Variants in RPA3 observed in about 807,000 individuals in gnomAD.
RPA3 encodes replication protein A 14 kDa subunit.
Under a neutral mutation model 13.7 loss-of-function variants are expected in RPA3, and 24 were observed. That is an observed-to-expected ratio of 1.75 (90% CI 1.27 to 2.46). The LOEUF (loss-of-function observed/expected upper bound fraction) is 2.46, where lower values mean the gene tolerates loss of function less well. RPA3 is among the 30% of genes most tolerant of loss of function. The pLI, the probability that RPA3 is intolerant of heterozygous loss-of-function variation, is 0.00. For synonymous variants in RPA3, 59 were observed against 51.2 expected (o/e 1.15, Z -0.65); for missense variants, 183 against 151.0 (o/e 1.21, Z -1.11).
At chr7:7,655,992 T>A (rs1785332276) in intron 4 of RPA3, among the ~76,000 whole-genome samples, 1 of 152,088 alleles carries the variant, frequency 6.6e-6, no homozygotes, top group South Asian at 2.1e-4. Flanking sequence ...TGCGCCATCA[T>A]GCCTGGCTAA....
At chr7:7,692,861 C>T (rs557214147) in intron 2 of RPA3, among the ~76,000 whole-genome samples, 1 of 152,336 alleles carries the variant, frequency 6.6e-6, no homozygotes, top group South Asian at 2.1e-4. Context: ...CCTGCCTCGG[C>T]TTCCCACAGG....
At chr7:7,649,768 G>A (rs1785183729) in intron 4 of RPA3, among the ~76,000 whole-genome samples, 2 of 151,948 alleles carry the variant, frequency 1.3e-5, no homozygotes, top group South Asian at 4.2e-4. Context: ...TTCATATGCT[G>A]AAATCCTAAC....
chr7:7,711,067 G>A (rs1445700497), intron 2 of RPA3, among the ~76,000 whole-genome samples: 1 of 152,144 alleles, frequency 6.6e-6, no homozygotes, highest in African/African-American at 2.4e-5. Flanking sequence ...AGTGTGTGTG[G>A]CTATAGAAGG....
intron 4 of RPA3, among the ~76,000 whole-genome samples, chr7:7,649,747 C>A (rs1785182346): frequency 6.6e-6 from 1 of 152,132 alleles, no homozygotes; most frequent in South Asian, 2.1e-4. Flanking sequence ...TGTCTCTCTC[C>A]CCCCACCCAA....
chr7:7,681,923 C>G (rs1427139642), intron 4 of RPA3, among the ~76,000 whole-genome samples: 1 of 151,888 alleles, frequency 6.6e-6, no homozygotes, highest in Non-Finnish European at 1.5e-5. Flanking sequence ...CATGAATTAG[C>G]TTATTATGTT....
intron 4 of RPA3, among the ~76,000 whole-genome samples, chr7:7,648,878 G>C (rs951004857): frequency 7.3e-5 from 11 of 151,594 alleles, no homozygotes; most frequent in Admixed American, 3.3e-4. Context: ...AAAAAAAAAG[G>C]CCGGGCGCGG....
Position 7,637,875 on chromosome 7 carries a change from C to A in RPA3, c.272G>T (p.Ser91Ile), listed in dbSNP as rs113032055. 1 of 1,611,814 alleles carries A rather than the reference C, an allele frequency of 6.2e-7. No homozygotes were observed. The highest frequency in any genetic ancestry group is 1.1e-5 in the South Asian group (1 of 90,886). The change falls in exon 7 of 8, where the codon AGC becomes ATC. Residue 91 changes from serine (S) to isoleucine (I), a missense_variant. Ser to Ile is a moderately radical substitution (Grantham distance 142). Transcript: ENST00000223129. Reference sequence around the variant, plus strand: ...AATGCTTTATTTACCAAAAGGATGGCTATCTTCTTTAAACTGGACATAAGA... The same window carrying A: ...AATGCTTTATTTACCAAAAGGATGGATATCTTCTTTAAACTGGACATAAGA... Reference protein sequence around the residue: ...CTSYVQFKEDSHPFDLGLYNE... With the variant: ...CTSYVQFKEDIHPFDLGLYNE...
chr7:7,672,884 A>G (rs1021573978), intron 4 of RPA3, among the ~76,000 whole-genome samples: 2 of 152,204 alleles, frequency 1.3e-5, no homozygotes, highest in African/African-American at 4.8e-5. Flanking sequence ...TCTTTTCTCC[A>G]GTGGCCTTAG....
At chr7:7,705,239 G>A (rs184245430) in intron 2 of RPA3, among the ~76,000 whole-genome samples, 46 of 152,270 alleles carry the variant, frequency 3.0e-4, no homozygotes, top group Admixed American at 2.6e-3. Context: ...AACGAAGTTC[G>A]TATAGTTGAT....
chr7:7,675,455 T>C (rs1779715409), intron 4 of RPA3, among the ~76,000 whole-genome samples: 2 of 152,340 alleles, frequency 1.3e-5, no homozygotes, highest in South Asian at 4.1e-4. Context: ...GTCTTGTAGC[T>C]ATCTCAGTAG....
At chr7:7,646,390 A>T (rs141429534) in intron 4 of RPA3, among the ~76,000 whole-genome samples, 5,500 of 151,616 alleles carry the variant, frequency 0.036, 350 homozygotes, top group African/African-American at 0.13. Flanking sequence ...TAACTGAATC[A>T]TGGGGACAGT....
intron 2 of RPA3, among the ~76,000 whole-genome samples, chr7:7,710,720 C>A (rs899140691): frequency 6.6e-6 from 1 of 152,098 alleles, no homozygotes; most frequent in African/African-American, 2.4e-5. Context: ...AAATTGAAGA[C>A]GTATATGTGC....
intron 5 of RPA3, 61 bp downstream of exon 5, chr7:7,640,259 C>A (rs750267257): frequency 4.6e-6 from 7 of 1,537,950 alleles, no homozygotes; most frequent in Admixed American, 3.3e-5. Context: ...CCCCCGTTAT[C>A]CAGGCGGGGT....
intron 4 of RPA3, among the ~76,000 whole-genome samples, chr7:7,653,953 T>C (rs1440477975): frequency 6.6e-6 from 1 of 152,100 alleles, no homozygotes; most frequent in Non-Finnish European, 1.5e-5. Flanking sequence ...AGTGGAGAGA[T>C]TGAGAAACCT....
chr7:7,646,922 A>G (rs1489443034), intron 4 of RPA3, among the ~76,000 whole-genome samples: 1 of 152,168 alleles, frequency 6.6e-6, no homozygotes, highest in Non-Finnish European at 1.5e-5. Context: ...TTGGGTGCAA[A>G]AACAGCCTGT....
At chr7:7,651,464 T>C (rs10261507) in intron 4 of RPA3, among the ~76,000 whole-genome samples, 2,442 of 152,330 alleles carry the variant, frequency 0.016, 47 homozygotes, top group African/African-American at 0.049. Context: ...CTGGGGCCTT[T>C]GCCAGGGAAC....
At chr7:7,674,589 G>A (rs1259893398) in intron 4 of RPA3, among the ~76,000 whole-genome samples, 7 of 152,110 alleles carry the variant, frequency 4.6e-5, no homozygotes, top group Admixed American at 4.6e-4. Context: ...AAAATAGTGG[G>A]GCTTAGTCTT....
chr7:7,659,872 C>A (rs938833412), intron 4 of RPA3, among the ~76,000 whole-genome samples: 3 of 152,066 alleles, frequency 2.0e-5, no homozygotes, highest in Non-Finnish European at 2.9e-5. Flanking sequence ...TTTTCTGTCT[C>A]GTTGATGTAT....
At chr7:7,656,787 G>A (rs1785354370) in intron 4 of RPA3, among the ~76,000 whole-genome samples, 1 of 152,178 alleles carries the variant, frequency 6.6e-6, no homozygotes, top group African/African-American at 2.4e-5. Context: ...GTGCGCATGT[G>A]TCTTTATGGT....
Sources: allele counts gnomAD v4.1 joint callset (sites outside exome capture counted in the v4.1 genomes callset), GRCh38; gene constraint gnomAD v4.1.1; transcripts MANE v1.5; gene names NCBI Gene and HGNC (gene_info 2026-07-23, HGNC 2026-07-21).